NALCN: variants seen among roughly 807,000 people sequenced by gnomAD.
NALCN encodes sodium leak channel, non-selective.
In NALCN, 111 loss-of-function variants were observed where a neutral mutation model predicts 225.3. The observed-to-expected ratio is 0.49, with a 90% CI of 0.42 to 0.58. The LOEUF (loss-of-function observed/expected upper bound fraction) is 0.58, where lower values mean the gene tolerates loss of function less well. Ranked by LOEUF, NALCN falls within the 20% of genes least tolerant of loss-of-function variation. The pLI is 0.00. For synonymous variants in NALCN, 764 were observed against 769.0 expected (o/e 0.99, Z 0.11); for missense variants, 1,378 against 2,202.4 (o/e 0.63, Z 7.49).
At chr13:101,268,480 G>A (rs1359450722) in intron 10 of NALCN, among the ~76,000 whole-genome samples, 1 of 152,138 alleles carries the variant, frequency 6.6e-6, no homozygotes, top group East Asian at 1.9e-4. Flanking sequence ...GTGGGAAGGG[G>A]AGACTATTTT....
intron 14 of NALCN, among the ~76,000 whole-genome samples, chr13:101,182,178 A>T (rs1441324869): frequency 6.6e-6 from 1 of 150,894 alleles, no homozygotes; most frequent in African/African-American, 2.4e-5. Flanking sequence ...GTTTTCTTAC[A>T]TTGGTTAAAC....
chr13:101,103,268 G>A lies in NALCN; in HGVS notation c.2961C>T (p.Val987=), dbSNP rs1233985645. The A allele has an allele frequency of 4.3e-6, 7 of 1,613,842 alleles. No individual in the cohort carries two copies. Among genetic ancestry groups the A allele is most frequent in the Non-Finnish European group, 5.9e-6 (7 of 1,179,926 alleles). The change falls in exon 26 of 44, where the codon GTC becomes GTT. Residue 987 remains valine, a synonymous_variant. Coordinates refer to ENST00000251127, the MANE Select transcript of NALCN (RefSeq NM_052867.4). ...PAESGAQLLM[V]LRCLRPLRIF... is the part of the protein sequence containing the mutation. ...TGCGCAGAGGTCTCAGGCACCGAAG[G>A]ACCATTAGAAGCTGAGCTCCCGATT... is the stretch of plus-strand genomic sequence containing the variant.
At chr13:101,272,687 T>C (rs1010750461) in intron 10 of NALCN, among the ~76,000 whole-genome samples, 2 of 152,076 alleles carry the variant, frequency 1.3e-5, no homozygotes, top group East Asian at 3.9e-4. Flanking sequence ...AATGGGTTGG[T>C]TTGGAGGTTT....
At chr13:101,216,802 G>A (rs1031153376) in intron 13 of NALCN, among the ~76,000 whole-genome samples, 2 of 152,104 alleles carry the variant, frequency 1.3e-5, no homozygotes, top group Non-Finnish European at 2.9e-5. Flanking sequence ...TTTTAATTAT[G>A]TGTTTTATAG....
At chr13:101,105,043 A>G in intron 22 of NALCN, 93 bp from the exon 23 acceptor site, 3 of 1,110,530 alleles carry the variant, frequency 2.7e-6, no homozygotes, top group Non-Finnish European at 4.1e-6. Flanking sequence ...TCTACCTAAA[A>G]TCTCTTTTAC....
At chr13:101,214,361 G>T (rs1290867817) in intron 13 of NALCN, among the ~76,000 whole-genome samples, 4 of 152,046 alleles carry the variant, frequency 2.6e-5, no homozygotes. Context: ...GAGTTAATGG[G>T]TGCAGCACAC....
intron 4 of NALCN, among the ~76,000 whole-genome samples, chr13:101,377,970 A>G (rs1351075121): frequency 6.6e-6 from 1 of 152,132 alleles, no homozygotes; most frequent in African/African-American, 2.4e-5. Flanking sequence ...TACGTTCCCC[A>G]TCACTTATAA....
intron 10 of NALCN, among the ~76,000 whole-genome samples, chr13:101,271,189 C>T: frequency 6.6e-6 from 1 of 151,962 alleles, no homozygotes; most frequent in East Asian, 1.9e-4. Context: ...GACAGATAAA[C>T]AAATAAATAA....
intron 20 of NALCN, among the ~76,000 whole-genome samples, chr13:101,108,901 AATTT>A (rs1246879952): frequency 3.3e-5 from 5 of 152,174 alleles, no homozygotes; most frequent in Non-Finnish European, 7.4e-5. Context: ...ACATTATAAG[AATTT>A]ATTGGAAATG....
intron 17 of NALCN, among the ~76,000 whole-genome samples, chr13:101,127,965 T>C (rs1376035488): frequency 1.3e-5 from 2 of 152,290 alleles, no homozygotes; most frequent in Middle Eastern, 3.4e-3. Context: ...CTCTAGAAGA[T>C]ACTGACAATC....
chr13:101,241,801 C>CATGA lies in NALCN; in HGVS notation c.1267-3880_1267-3879insTCAT, dbSNP rs1262039856. Reference sequence around the variant, plus strand: ...GTCCAGAATGATGATCCCATCCTTTCCCTCTGAGGGATGGGATTTTTCCTT... The same window carrying CATGA: ...GTCCAGAATGATGATCCCATCCTTTCATGACCTCTGAGGGATGGGATTTTTCCTT... On this transcript the variant is annotated intron_variant, in intron 11 of 43. Coordinates refer to ENST00000251127, the MANE Select transcript of NALCN (RefSeq NM_052867.4). Among the ~76,000 whole-genome samples the CATGA allele has an allele frequency of 1.4e-3, 54 of 37,780 alleles. 3 individuals carry two copies. The highest frequency in any genetic ancestry group is 5.7e-3 in the South Asian group (7 of 1,232). 24.8% of individuals were successfully genotyped at this position (37,780 alleles called of 152,430 possible).
At chr13:101,382,175 T>C (rs944788417) in intron 3 of NALCN, among the ~76,000 whole-genome samples, 2 of 152,152 alleles carry the variant, frequency 1.3e-5, no homozygotes, top group Non-Finnish European at 2.9e-5. Context: ...TAATTGCTCA[T>C]AATTTGCTTT....
chr13:101,143,809 CT>C (rs760322820), intron 16 of NALCN, among the ~76,000 whole-genome samples: 11 of 152,102 alleles, frequency 7.2e-5, no homozygotes, highest in Non-Finnish European at 1.2e-4. Flanking sequence ...TTTTTTCCCC[CT>C]CTAAGACTTG....
At chr13:101,337,316 A>T (rs994592427) in intron 7 of NALCN, among the ~76,000 whole-genome samples, 48 of 147,996 alleles carry the variant, frequency 3.2e-4, no homozygotes, top group African/African-American at 1.2e-3. Context: ...TTATTTATTT[A>T]TTTATTTTTT....
chr13:101,400,596 C>G (rs913070492), intron 1 of NALCN, among the ~76,000 whole-genome samples: 1 of 149,632 alleles, frequency 6.7e-6, no homozygotes, highest in Non-Finnish European at 1.5e-5. Context: ...TGTGTGCGCG[C>G]GCACACAGAT....
At chr13:101,209,004 A>G (rs1289781) in intron 13 of NALCN, among the ~76,000 whole-genome samples, 13,593 of 152,212 alleles carry the variant, frequency 0.089, 1,807 homozygotes, top group African/African-American at 0.29. Flanking sequence ...CCTAAGTCAT[A>G]CACTTCTAGT....
At chr13:101,202,256 A>G (rs963175426) in intron 13 of NALCN, among the ~76,000 whole-genome samples, 4 of 152,220 alleles carry the variant, frequency 2.6e-5, no homozygotes, top group Non-Finnish European at 4.4e-5. Flanking sequence ...TCTAAAAAGT[A>G]TATTGGTTGG....
Position 101,313,248 on chromosome 13 carries a change from A to G in NALCN, c.800-20882T>C, listed in dbSNP as rs572516598. Among the ~76,000 whole-genome samples, 225 of 152,194 alleles carry G rather than the reference A, an allele frequency of 1.5e-3. 1 individual carries two copies. The highest frequency in any genetic ancestry group is 5.1e-3 in the African/African-American group (211 of 41,528). On this transcript the variant is annotated intron_variant, in intron 7 of 43. Coordinates refer to ENST00000251127, the MANE Select transcript of NALCN (RefSeq NM_052867.4). The stretch of plus-strand genomic sequence containing the variant: ...AAAACCCTAGAGGAAAACCTAGGCA[A>G]TACCATTCAGGACATAGGCATGGGC...
At chr13:101,121,954 CTTT>C (rs34912854) in intron 18 of NALCN, among the ~76,000 whole-genome samples, 1,887 of 146,864 alleles carry the variant, frequency 0.013, 40 homozygotes, top group African/African-American at 0.04. Flanking sequence ...AAATGTTTTC[CTTT>C]TTTTTTTTTT....
Sources: allele counts gnomAD v4.1 joint callset (sites outside exome capture counted in the v4.1 genomes callset), GRCh38; gene constraint gnomAD v4.1.1; transcripts MANE v1.5; gene names NCBI Gene and HGNC (gene_info 2026-07-23, HGNC 2026-07-21).